The following FUT8 variants were observed in gnomAD, a reference collection of about 807,000 sequenced individuals.
FUT8 encodes fucosyltransferase 8.
Under a neutral mutation model 71.3 loss-of-function variants are expected in FUT8, and 29 were observed. The observed-to-expected ratio is 0.41, with a 90% CI of 0.30 to 0.55. The LOEUF is 0.55. Among genes scored for constraint, FUT8 ranks in the 20% least tolerant of loss-of-function variants. The pLI, the probability that FUT8 is intolerant of heterozygous loss-of-function variation, is 0.34. For missense variants in FUT8, 544 were observed against 702.1 expected, an observed-to-expected ratio of 0.77 and a Z score of 2.55; for synonymous variants, 254 against 239.3, an observed-to-expected ratio of 1.06 and a Z score of -0.57.
chr14:65,579,099 G>A (rs1886943493), intron 3 of FUT8, among the ~76,000 whole-genome samples: 1 of 152,126 alleles, frequency 6.6e-6, no homozygotes, highest in Non-Finnish European at 1.5e-5. Context: ...TAGCACTTCA[G>A]AAATATTATC....
chr14:65,372,694 G>A, the FUT8 span, among the ~76,000 whole-genome samples: 4,220 of 152,290 alleles, frequency 0.028, 196 homozygotes, highest in African/African-American at 0.097. Context: ...TGGGATTACA[G>A]GCATGAGCCA....
chr14:65,456,027 C>T (rs527269925), intron 2 of FUT8, among the ~76,000 whole-genome samples: 35 of 152,290 alleles, frequency 2.3e-4, no homozygotes, highest in African/African-American at 7.7e-4. Context: ...CGTTGTGTGG[C>T]ATATTTGGTG....
intron 7 of FUT8, among the ~76,000 whole-genome samples, chr14:65,680,139 A>G (rs974490388): frequency 6.6e-6 from 1 of 152,216 alleles, no homozygotes; most frequent in South Asian, 2.1e-4. Context: ...ACGATCTGCC[A>G]TCTGCAAGCT....
rs191430489 is a variant in FUT8, at chr14:65,444,604, A to G, written c.-325-11017A>G. Among the ~76,000 whole-genome samples, 8 of 152,378 alleles carry G rather than the reference A, an allele frequency of 5.3e-5. No individual in the cohort carries two copies. The East Asian group carries it at 1.2e-3, about 22-fold the overall frequency. Reference sequence around the variant, plus strand: ...ACATCATACAATGGATGATGTACCAATTATAAAAAGGAATGAACTGTTGAT... The same window carrying G: ...ACATCATACAATGGATGATGTACCAGTTATAAAAAGGAATGAACTGTTGAT... On this transcript the variant is annotated intron_variant, in intron 1 of 10. Coordinates refer to ENST00000673929, the MANE Select transcript of FUT8 (RefSeq NM_001371533.1).
At chr14:65,505,280 GA>G in intron 2 of FUT8, among the ~76,000 whole-genome samples, 1 of 147,912 alleles carries the variant, frequency 6.8e-6, no homozygotes, top group South Asian at 2.2e-4. Context: ...ACTTTAGCTA[GA>G]AACTATGTCA....
chr14:65,663,048 ATAGTT>A (rs1318683747), intron 6 of FUT8, among the ~76,000 whole-genome samples: 4 of 152,142 alleles, frequency 2.6e-5, no homozygotes, highest in Non-Finnish European at 5.9e-5. Flanking sequence ...TATTATGTTT[ATAGTT>A]TAGAGTAAAG....
Position 65,467,994 on chromosome 14 carries a change from G to C in FUT8, c.-228+12276G>C, listed in dbSNP as rs1457724529. 1.4e-6 allele frequency: 1 copy of C among 695,196 alleles called. No homozygotes were observed. Among genetic ancestry groups the C allele is most frequent in the Admixed American group, 2.0e-5 (1 of 51,128 alleles). 43.1% of individuals were successfully genotyped at this position (695,196 alleles called of 1,614,324 possible). A position where few individuals can be genotyped will look rare whatever the true frequency, so the allele number is the denominator to read the frequency against. On this transcript the variant is annotated intron_variant, in intron 2 of 10. Transcript: ENST00000673929. This position sits in a 1 kb window ranked among gnomAD's most constrained non-coding sequence, Gnocchi z 4.1. The stretch of plus-strand genomic sequence containing the variant: ...TTTCAGGAAGCTATTTTGGCTCTTA[G>C]AGTGCTGAATGTGCTCAATACGCAC...
the FUT8 span, among the ~76,000 whole-genome samples, chr14:65,378,837 GTTTTTTTTTTTTTTTT>G: frequency 1.8e-4 from 12 of 66,830 alleles, 1 homozygote; most frequent in Non-Finnish European, 2.7e-4. Flanking sequence ...TCACAAGAAG[GTTTTTTTTTTTTTTTT>G]TTTTTTTTTT....
intron 2 of FUT8, among the ~76,000 whole-genome samples, chr14:65,487,392 G>A (rs1414289373): frequency 2.6e-5 from 4 of 151,924 alleles, no homozygotes; most frequent in East Asian, 1.9e-4. Flanking sequence ...GTGAGACCCC[G>A]TCTCTACTAA....
chr14:65,431,472 G>A (rs941657346), intron 1 of FUT8, among the ~76,000 whole-genome samples: 1 of 151,714 alleles, frequency 6.6e-6, no homozygotes, highest in African/African-American at 2.4e-5. Context: ...ACCATACCCG[G>A]CTTTTTTTTG....
Position 65,643,706 on chromosome 14 carries a change from A to C in FUT8, c.597+14100A>C, listed in dbSNP as rs1202283078. Among the ~76,000 whole-genome samples the C allele has an allele frequency of 1.3e-4, 17 of 135,532 alleles. No homozygotes were observed. In the South Asian group the frequency reaches 4.0e-3, roughly 32 times the overall value. 88.9% of individuals were successfully genotyped at this position (135,532 alleles called of 152,430 possible). A position where few individuals can be genotyped will look rare whatever the true frequency, so the allele number is the denominator to read the frequency against. ...CACACACACACACACACACACACAC[A>C]CACACACACCAGATTCCATTCTAGA... On this transcript the variant is annotated intron_variant, in intron 6 of 10. Coordinates refer to ENST00000673929, the MANE Select transcript of FUT8 (RefSeq NM_001371533.1). The surrounding 1 kb of genome is among the most constrained non-coding windows in gnomAD (Gnocchi z 4.5).
At chr14:65,521,078 C>T (rs539835059) in intron 2 of FUT8, among the ~76,000 whole-genome samples, 106 of 151,958 alleles carry the variant, frequency 7.0e-4, no homozygotes, top group African/African-American at 2.4e-3. Flanking sequence ...ATCTCATTTT[C>T]GCCCTCATAT....
At chr14:65,426,915 G>A (rs542584938) in intron 1 of FUT8, among the ~76,000 whole-genome samples, 1 of 152,148 alleles carries the variant, frequency 6.6e-6, no homozygotes, top group South Asian at 2.1e-4. Flanking sequence ...CTGGAGTGCA[G>A]TGGTGTGATC....
intron 3 of FUT8, among the ~76,000 whole-genome samples, chr14:65,611,290 CACACACACA>C (rs1888974051): frequency 9.2e-5 from 4 of 43,584 alleles, no homozygotes; most frequent in African/African-American, 3.0e-4. Flanking sequence ...CACACACACA[CACACACACA>C]CACCCCCCAA....
At chr14:65,469,626 G>A (rs2066105176) in intron 2 of FUT8, among the ~76,000 whole-genome samples, 1 of 152,232 alleles carries the variant, frequency 6.6e-6, no homozygotes. Context: ...GAGAGCTGCA[G>A]AGGGCAGCCC....
intron 2 of FUT8, among the ~76,000 whole-genome samples, chr14:65,508,491 GTTTTTTTTTTTTT>G (rs34809476): frequency 1.9e-4 from 9 of 46,494 alleles, no homozygotes; most frequent in Middle Eastern, 0.017. Flanking sequence ...AGTTGTTTGA[GTTTTTTTTTTTTT>G]TTTTTTTTTT....
At chr14:65,557,378 G>A (rs1176218247) in intron 2 of FUT8, among the ~76,000 whole-genome samples, 2 of 151,078 alleles carry the variant, frequency 1.3e-5, no homozygotes, top group African/African-American at 4.9e-5. Flanking sequence ...TGTCGCCCAG[G>A]CTGGAGTGTG....
chr14:65,388,919 T>C, the FUT8 span, among the ~76,000 whole-genome samples: 3 of 151,960 alleles, frequency 2.0e-5, no homozygotes, highest in African/African-American at 4.8e-5. Flanking sequence ...TTTTTTAAAA[T>C]ATAAAAACAA....
chr14:65,624,432 A>T (rs935569413), intron 5 of FUT8, among the ~76,000 whole-genome samples: 3 of 152,204 alleles, frequency 2.0e-5, no homozygotes, highest in East Asian at 1.9e-4. Context: ...CTAATTTATT[A>T]AAAAAAGTAG....
Sources: gnomAD v4.1 joint callset for allele counts (sites outside exome capture counted in the v4.1 genomes callset) on GRCh38, gnomAD v4.1.1 for gene constraint, Gnocchi (gnomAD v3.1) non-coding constraint, MANE v1.5 for transcripts, NCBI Gene and HGNC (gene_info 2026-07-23, HGNC 2026-07-21) for gene names.